The following LPP variants were observed in gnomAD, a reference collection of about 807,000 sequenced individuals.
LPP encodes lipoma-preferred partner.
A neutral mutation model predicts 60.4 loss-of-function variants in LPP; 38 were observed. The observed-to-expected ratio is 0.63, with a 90% CI of 0.49 to 0.83. LPP has a LOEUF of 0.83. Ranked by LOEUF, LPP falls within the 40% of genes least tolerant of loss-of-function variation. LPP has a pLI of 0.00. For synonymous variants in LPP, 328 were observed against 290.8 expected (o/e 1.13, Z -1.30); for missense variants, 902 against 783.6 (o/e 1.15, Z -1.80).
chr3:188,858,816 G>A (rs556554661), intron 9 of LPP, among the ~76,000 whole-genome samples: 11 of 152,254 alleles, frequency 7.2e-5, no homozygotes, highest in African/African-American at 2.2e-4. Flanking sequence ...TCGGCCGGGC[G>A]TGGTGGCTCA....
intron 2 of LPP, among the ~76,000 whole-genome samples, chr3:188,316,202 C>G (rs1755007446): frequency 6.6e-6 from 1 of 152,158 alleles, no homozygotes; most frequent in Non-Finnish European, 1.5e-5. Flanking sequence ...CATTTGAACT[C>G]AGGAGGCGGA....
intron 2 of LPP, among the ~76,000 whole-genome samples, chr3:188,276,894 C>CTTTTTTT (rs1203656488): frequency 2.9e-4 from 11 of 38,224 alleles, no homozygotes; most frequent in African/African-American, 5.9e-4. Flanking sequence ...CTTTTCTTTT[C>CTTTTTTT]TTTTTTTTTT....
At chr3:188,445,653 A>G (rs1195952136) in intron 4 of LPP, among the ~76,000 whole-genome samples, 3 of 152,134 alleles carry the variant, frequency 2.0e-5, no homozygotes, top group African/African-American at 4.8e-5. Flanking sequence ...AAAAAAAAGT[A>G]AAAAAGACAT....
intron 7 of LPP, among the ~76,000 whole-genome samples, chr3:188,635,724 C>G (rs909148391): frequency 1.3e-5 from 2 of 152,152 alleles, no homozygotes; most frequent in South Asian, 4.2e-4. Context: ...ATGATATGTT[C>G]TTTAGTCGAG....
intron 6 of LPP, among the ~76,000 whole-genome samples, chr3:188,589,235 G>A (rs1838155361): frequency 6.6e-6 from 1 of 151,922 alleles, no homozygotes; most frequent in Non-Finnish European, 1.5e-5. Flanking sequence ...CCGGGCATTG[G>A]CAAAGATCTG....
At chr3:188,169,811 G>T (rs149261508) in intron 1 of LPP, among the ~76,000 whole-genome samples, 53 of 152,248 alleles carry the variant, frequency 3.5e-4, no homozygotes, top group African/African-American at 1.2e-3. Flanking sequence ...GCCCAGAAGG[G>T]GTACTCAGAC....
At chr3:188,334,280 C>G (rs1456811793) in intron 2 of LPP, among the ~76,000 whole-genome samples, 1 of 151,334 alleles carries the variant, frequency 6.6e-6, no homozygotes, top group African/African-American at 2.4e-5. Flanking sequence ...TTGATGGATA[C>G]TTAGATTGAT....
chr3:188,371,985 TC>T (rs1247847484), intron 3 of LPP, among the ~76,000 whole-genome samples: 1 of 149,668 alleles, frequency 6.7e-6, no homozygotes, highest in African/African-American at 2.5e-5. Context: ...AAGGGCTTTT[TC>T]TTTTCTTTTT....
At chr3:188,742,315 T>C (rs1724736056) in intron 8 of LPP, among the ~76,000 whole-genome samples, 1 of 151,830 alleles carries the variant, frequency 6.6e-6, no homozygotes, top group Admixed American at 6.6e-5. Flanking sequence ...AAATGAAACC[T>C]TTTTTTTACA....
At chr3:188,770,201 C>T (rs1350691316) in intron 9 of LPP, among the ~76,000 whole-genome samples, 10 of 110,768 alleles carry the variant, frequency 9.0e-5, no homozygotes, top group African/African-American at 3.1e-4. Context: ...TTTTCCGAGA[C>T]GGGGTCTTGC....
Position 188,352,040 on chromosome 3 carries a change from T to C in LPP, c.-10+10321T>C, listed in dbSNP as rs1253947075. Among the ~76,000 whole-genome samples the C allele has an allele frequency of 6.6e-6, 1 of 152,164 alleles. No individual in the cohort carries two copies. The highest frequency in any genetic ancestry group is 1.9e-4 in the East Asian group (1 of 5,192). ...AGCTAGCCTCGACCTCAACGTGTAT[T>C]ATTTCCTCCCCCCTTGTCATTTTTC... is the stretch of plus-strand genomic sequence containing the variant. On this transcript the variant is annotated intron_variant, in intron 3 of 11. Transcript: ENST00000617246. This position sits in a 1 kb window ranked among gnomAD's most constrained non-coding sequence, Gnocchi z 4.4.
intron 9 of LPP, among the ~76,000 whole-genome samples, chr3:188,838,341 G>A (rs1254682751): frequency 6.6e-6 from 1 of 152,106 alleles, no homozygotes; most frequent in African/African-American, 2.4e-5. Context: ...ATGATGGGGG[G>A]ACTCATATGC....
At chr3:188,460,962 G>C (rs1798837188) in intron 4 of LPP, among the ~76,000 whole-genome samples, 1 of 152,154 alleles carries the variant, frequency 6.6e-6, no homozygotes, top group Non-Finnish European at 1.5e-5. Context: ...ACTAGGCTAT[G>C]TCTTGGGAGG....
intron 5 of LPP, among the ~76,000 whole-genome samples, chr3:188,499,996 A>G (rs566374026): frequency 6.6e-6 from 1 of 152,226 alleles, no homozygotes; most frequent in Admixed American, 6.5e-5. Context: ...TTTAGTTCTA[A>G]TAGTCTTTGT....
chr3:188,537,866 C>G (rs1280311691), intron 6 of LPP, among the ~76,000 whole-genome samples: 2 of 152,090 alleles, frequency 1.3e-5, no homozygotes. Flanking sequence ...TGACAGCAAT[C>G]AAGCAGTGTG....
At chr3:188,802,158 G>A (rs1470894167) in intron 9 of LPP, among the ~76,000 whole-genome samples, 2 of 152,112 alleles carry the variant, frequency 1.3e-5, no homozygotes, top group Admixed American at 6.5e-5. Flanking sequence ...AATGGTCAAC[G>A]TAGTAGTCTG....
chr3:188,188,922 A>G (rs901383082), intron 1 of LPP, among the ~76,000 whole-genome samples: 2 of 151,816 alleles, frequency 1.3e-5, no homozygotes, highest in Non-Finnish European at 2.9e-5. Flanking sequence ...AACACTGATC[A>G]TACTAAAAGA....
chr3:188,590,988 G>C (rs1838575183), intron 6 of LPP, among the ~76,000 whole-genome samples: 1 of 152,160 alleles, frequency 6.6e-6, no homozygotes, highest in Non-Finnish European at 1.5e-5. Context: ...TAAATACAGT[G>C]GAGCTTGAGG....
At chr3:188,269,753 C>T (rs1262432260) in intron 2 of LPP, among the ~76,000 whole-genome samples, 4 of 151,418 alleles carry the variant, frequency 2.6e-5, no homozygotes, top group South Asian at 2.1e-4. Flanking sequence ...TGGGTTCAAG[C>T]GATTTTCCTG....
Sources: gnomAD v4.1 joint callset for allele counts (sites outside exome capture counted in the v4.1 genomes callset) on GRCh38, gnomAD v4.1.1 for gene constraint, Gnocchi (gnomAD v3.1) non-coding constraint, MANE v1.5 for transcripts, NCBI Gene and HGNC (gene_info 2026-07-23, HGNC 2026-07-21) for gene names.